The following GALNTL6 variants were observed in gnomAD, a reference collection of about 807,000 sequenced individuals.
GALNTL6 encodes polypeptide N-acetylgalactosaminyltransferase-like 6.
A neutral mutation model predicts 73.7 loss-of-function variants in GALNTL6; 46 were observed. The observed-to-expected ratio is 0.62, with a 90% confidence interval of 0.49 to 0.80. The LOEUF (loss-of-function observed/expected upper bound fraction) is 0.80. Among genes scored for constraint, GALNTL6 ranks in the 30% least tolerant of loss-of-function variants. GALNTL6 has a pLI of 0.00. For synonymous variants in GALNTL6, 259 were observed against 263.7 expected, an observed-to-expected ratio of 0.98 and a Z score of 0.17; for missense variants, 604 against 755.0, an observed-to-expected ratio of 0.80 and a Z score of 2.34.
At chr4:172,133,403 A>C (rs1733552735) in intron 2 of GALNTL6, among the ~76,000 whole-genome samples, 1 of 152,214 alleles carries the variant, frequency 6.6e-6, no homozygotes, top group Non-Finnish European at 1.5e-5. Flanking sequence ...TAATAAATAG[A>C]TTATTCATTG....
chr4:172,730,140 C>T (rs1043865811), intron 5 of GALNTL6, among the ~76,000 whole-genome samples: 23 of 152,200 alleles, frequency 1.5e-4, no homozygotes, highest in African/African-American at 5.1e-4. Flanking sequence ...TGGAGTCTTT[C>T]GATTTTTCTA....
chr4:171,897,358 G>T lies in GALNTL6; in HGVS notation c.138+82640G>T, dbSNP rs184484428. Among the ~76,000 whole-genome samples, 30 of 152,256 alleles carry T rather than the reference G, an allele frequency of 2.0e-4. No individual in the cohort carries two copies. The East Asian group carries it at 5.4e-3, about 27-fold the overall frequency. On this transcript the variant is annotated intron_variant, in intron 2 of 12. Transcript: ENST00000506823. The stretch of plus-strand genomic sequence containing the variant: ...AAATAAAAGATTGTAGAATCAAAGT[G>T]CTAGAATATAAATTGTCAATGAGAA...
intron 5 of GALNTL6, among the ~76,000 whole-genome samples, chr4:172,466,493 CTTAA>C (rs1461432290): frequency 6.6e-6 from 1 of 152,140 alleles, no homozygotes; most frequent in African/African-American, 2.4e-5. Context: ...ACAGCGCACT[CTTAA>C]TTAAAGTTAC....
chr4:172,206,450 G>A (rs1736112310), intron 2 of GALNTL6, among the ~76,000 whole-genome samples: 1 of 152,102 alleles, frequency 6.6e-6, no homozygotes, highest in Admixed American at 6.5e-5. Context: ...ATGAGTGATT[G>A]TATCTTTTTA....
chr4:172,263,331 T>C (rs1399490661), intron 3 of GALNTL6, among the ~76,000 whole-genome samples: 1 of 151,354 alleles, frequency 6.6e-6, no homozygotes, highest in Non-Finnish European at 1.5e-5. Context: ...TTATTTTCTT[T>C]GTCTTTGTCT....
chr4:172,282,147 T>G (rs971551005), intron 3 of GALNTL6, among the ~76,000 whole-genome samples: 2 of 152,208 alleles, frequency 1.3e-5, no homozygotes, highest in East Asian at 3.9e-4. Context: ...CGGGGACTTA[T>G]TCACAGTATA....
rs77981335 is a variant in GALNTL6 at position 172,320,910 on chromosome 4, A to G, written c.386+9158A>G. On this transcript the variant is annotated intron_variant, in intron 4 of 12. Coordinates refer to ENST00000506823, the MANE Select transcript of GALNTL6 (RefSeq NM_001034845.3). Reference sequence around the variant, plus strand: ...ATGTAATGAAAAGAAATGGACTTCAAACAAAATACGGTGGTTTTCTTTTAT... The same window carrying G: ...ATGTAATGAAAAGAAATGGACTTCAGACAAAATACGGTGGTTTTCTTTTAT... Among the ~76,000 whole-genome samples the G allele has an allele frequency of 8.5e-3, 1,296 of 152,312 alleles. 16 individuals are homozygous for G. The highest frequency in any genetic ancestry group is 0.029 in the African/African-American group (1,224 of 41,546).
chr4:172,679,969 G>A (rs1732538973), intron 5 of GALNTL6, among the ~76,000 whole-genome samples: 1 of 150,914 alleles, frequency 6.6e-6, no homozygotes, highest in South Asian at 2.1e-4. Flanking sequence ...CACCATCTTT[G>A]CAGCTGGATT....
intron 2 of GALNTL6, among the ~76,000 whole-genome samples, chr4:172,078,768 T>C (rs1393003760): frequency 2.6e-5 from 4 of 152,186 alleles, no homozygotes; most frequent in Non-Finnish European, 5.9e-5. Flanking sequence ...TGTATTCGTA[T>C]CTTTTTTATA....
At chr4:171,854,200 C>T (rs150519550) in intron 2 of GALNTL6, among the ~76,000 whole-genome samples, 56 of 152,252 alleles carry the variant, frequency 3.7e-4, no homozygotes, top group South Asian at 8.3e-4. Context: ...CATGTCCTTC[C>T]CAGATACCAG....
intron 2 of GALNTL6, among the ~76,000 whole-genome samples, chr4:171,986,395 C>A (rs771217695): frequency 6.6e-6 from 1 of 152,142 alleles, no homozygotes. Context: ...AAGGCAGGAA[C>A]CCGCCATCTG....
At chr4:172,756,590 A>G (rs1204629075) in intron 5 of GALNTL6, among the ~76,000 whole-genome samples, 1 of 152,018 alleles carries the variant, frequency 6.6e-6, no homozygotes, top group Non-Finnish European at 1.5e-5. Flanking sequence ...AGTTGCAGTG[A>G]GCCAAGATCG....
chr4:171,970,124 A>C (rs555647212), intron 2 of GALNTL6, among the ~76,000 whole-genome samples: 1 of 152,302 alleles, frequency 6.6e-6, no homozygotes. Flanking sequence ...GACTTTGCGT[A>C]TAAATTGAAG....
chr4:171,953,244 GT>G lies in GALNTL6; in HGVS notation c.138+138527del, dbSNP rs768657519. ...TGCGCACGTGTGTGTGTGTGTGTGT[GT>G]GTGTGTGTGTGTGTGTGTGTAAGAA... On this transcript the variant is annotated intron_variant, in intron 2 of 12. Coordinates refer to ENST00000506823, the MANE Select transcript of GALNTL6 (RefSeq NM_001034845.3). Among the ~76,000 whole-genome samples, 1,455 of 152,060 alleles carry G rather than the reference GT, an allele frequency of 9.6e-3. 19 individuals are homozygous for G. The highest frequency in any genetic ancestry group is 0.018 in the Non-Finnish European group (1,210 of 67,926).
rs35246163 is a variant in GALNTL6, at chr4:172,582,747, GACACAC to G, written c.554-226587_554-226582del. ...CTCATTGGGAAATCACACACACACA[GACACAC>G]ACACACACACACACACACACACACA... On this transcript the variant is annotated intron_variant, in intron 5 of 12. Coordinates refer to ENST00000506823, the MANE Select transcript of GALNTL6 (RefSeq NM_001034845.3). Among the ~76,000 whole-genome samples, 388 of 142,818 alleles carry G rather than the reference GACACAC, an allele frequency of 2.7e-3. 2 individuals carry two copies. The highest frequency in any genetic ancestry group is 7.3e-3 in the African/African-American group (288 of 39,284). The allele number at this position is 142,818 out of a possible 152,430, so 93.7% of individuals were successfully genotyped here.
intron 5 of GALNTL6, among the ~76,000 whole-genome samples, chr4:172,604,363 A>T (rs1738181822): frequency 1.3e-5 from 2 of 152,172 alleles, no homozygotes; most frequent in African/African-American, 2.4e-5. Flanking sequence ...TCAAAGAGGA[A>T]TATTCTGGCT....
At position 172,315,408 on chromosome 4, in the gene GALNTL6, C is replaced by G. The variant is rs1338401439; in HGVS notation, c.386+3656C>G. Among the ~76,000 whole-genome samples, 5 of 152,186 alleles carry G rather than the reference C, an allele frequency of 3.3e-5. No homozygotes were observed. The East Asian group carries it at 9.6e-4, about 29-fold the overall frequency. On this transcript the variant is annotated intron_variant, in intron 4 of 12. Coordinates refer to ENST00000506823, the MANE Select transcript of GALNTL6 (RefSeq NM_001034845.3). ...CCTCCCAAGTAGCTGGGATTACAGG[C>G]ATGCGCCACCACACCTGGCTAATTT...
chr4:172,929,225 G>A (rs903282433), intron 8 of GALNTL6, among the ~76,000 whole-genome samples: 1 of 152,156 alleles, frequency 6.6e-6, no homozygotes, highest in African/African-American at 2.4e-5. Flanking sequence ...GCAACTGAAT[G>A]TTGCTTTAAT....
At chr4:172,860,636 A>T (rs1011462043) in intron 7 of GALNTL6, among the ~76,000 whole-genome samples, 1 of 152,236 alleles carries the variant, frequency 6.6e-6, no homozygotes, top group Admixed American at 6.5e-5. Context: ...TAAAGATTGC[A>T]TAGAAAATAA....
Sources: gnomAD v4.1 joint callset for allele counts (sites outside exome capture counted in the v4.1 genomes callset) on GRCh38, gnomAD v4.1.1 for gene constraint, MANE v1.5 for transcripts, NCBI Gene and HGNC (gene_info 2026-07-23, HGNC 2026-07-21) for gene names.